NRG1: variants seen among roughly 807,000 people sequenced by gnomAD.
NRG1 encodes the protein neuregulin 1, also known as pro-neuregulin-1, membrane-bound isoform.
Under a neutral mutation model 63.8 loss-of-function variants are expected in NRG1, and 18 were observed. The observed-to-expected ratio is 0.28, with a 90% CI of 0.19 to 0.42. The LOEUF is 0.42. Ranked by LOEUF, NRG1 falls within the 10% of genes least tolerant of loss-of-function variation. The pLI is 1.00. For missense variants in NRG1, 762 were observed against 814.7 expected (o/e 0.94, Z 0.79); for synonymous variants, 302 against 301.3 (o/e 1.00, Z -0.02).
At chr8:32,508,340 G>T (rs1301670500) in intron 1 of NRG1, among the ~76,000 whole-genome samples, 2 of 151,866 alleles carry the variant, frequency 1.3e-5, no homozygotes, top group Non-Finnish European at 1.5e-5. Context: ...GCCCGGGCTG[G>T]AGTGTAGTGG....
chr8:31,743,906 G>A (rs536713349), intron 1 of NRG1, among the ~76,000 whole-genome samples: 2 of 152,026 alleles, frequency 1.3e-5, no homozygotes, highest in African/African-American at 4.8e-5. Flanking sequence ...GGAAAAAAAA[G>A]CTTTGTTTTG....
intron 1 of NRG1, among the ~76,000 whole-genome samples, chr8:32,560,775 ATT>A (rs1230082448): frequency 1.3e-5 from 2 of 152,236 alleles, no homozygotes; most frequent in African/African-American, 2.4e-5. Context: ...CCATTAAAAT[ATT>A]TTGTTACATT....
Position 32,659,454 on chromosome 8 carries a change from A to G in NRG1, c.502+42569A>G, listed in dbSNP as rs569660668. ...TGACCCACCGTGGCCAGCCAGCTAT[A>G]AATCTTTAGACCTTGATCATGCACC... On this transcript the variant is annotated intron_variant, in intron 5 of 11. Coordinates refer to ENST00000356819, the Ensembl canonical transcript of NRG1. 3.9e-5 allele frequency among the ~76,000 whole-genome samples: 6 copies of G among 152,242 alleles called. No individual in the cohort carries two copies. The South Asian group carries it at 8.3e-4, about 21-fold the overall frequency.
In NRG1 at chr8:31,921,282, C is replaced by A. The variant is rs1833891940; in HGVS notation, c.37+281851C>A. On this transcript the variant is annotated intron_variant, in intron 1 of 10. Transcript: ENST00000519301. ...ATCAAATTTGTCTAGCTTATAATGT[C>A]TGTCAGCCTGGGTGATGTGGATGGG... Among the ~76,000 whole-genome samples, 2 of 152,132 alleles carry A rather than the reference C, an allele frequency of 1.3e-5. 1 individual carries two copies. The highest frequency in any genetic ancestry group is 4.1e-4 in the South Asian group (2 of 4,828).
intron 1 of NRG1, among the ~76,000 whole-genome samples, chr8:31,700,212 T>C (rs1212421624): frequency 6.6e-6 from 1 of 152,046 alleles, no homozygotes; most frequent in African/African-American, 2.4e-5. Flanking sequence ...GTTGCAGACT[T>C]TTTGGAGGCA....
At chr8:31,912,403 C>T (rs1379727050) in intron 1 of NRG1, among the ~76,000 whole-genome samples, 3 of 151,996 alleles carry the variant, frequency 2.0e-5, no homozygotes, top group African/African-American at 7.2e-5. Context: ...AGGTGGCTGG[C>T]AGTGTGGGGA....
At chr8:32,144,058 T>G (rs1412394576) in intron 1 of NRG1, among the ~76,000 whole-genome samples, 1 of 152,208 alleles carries the variant, frequency 6.6e-6, no homozygotes, top group Non-Finnish European at 1.5e-5. Context: ...ATGAGTCCAG[T>G]TGGAGCCTGC....
At chr8:32,098,509 C>T (rs1248325073) in intron 1 of NRG1, among the ~76,000 whole-genome samples, 1 of 152,126 alleles carries the variant, frequency 6.6e-6, no homozygotes, top group Non-Finnish European at 1.5e-5. Flanking sequence ...GTTCTTGTTT[C>T]CTGGAAGTGT....
chr8:32,600,466 C>T (rs144820783), intron 2 of NRG1, among the ~76,000 whole-genome samples: 3 of 151,990 alleles, frequency 2.0e-5, no homozygotes, highest in Admixed American at 2.0e-4. Flanking sequence ...GTAGAATAAT[C>T]GAGTTAAAAT....
intron 1 of NRG1, among the ~76,000 whole-genome samples, chr8:32,069,407 T>C (rs1825404733): frequency 6.6e-6 from 1 of 152,184 alleles, no homozygotes; most frequent in Non-Finnish European, 1.5e-5. Flanking sequence ...GACACAGTCT[T>C]ATGTTTGTTT....
chr8:31,958,364 G>T (rs1266055055), intron 1 of NRG1, among the ~76,000 whole-genome samples: 2 of 152,048 alleles, frequency 1.3e-5, no homozygotes, highest in Admixed American at 6.5e-5. Flanking sequence ...CTGGCCTTCT[G>T]CAACTTAAAG....
intron 1 of NRG1, among the ~76,000 whole-genome samples, chr8:32,580,367 G>A (rs192286758): frequency 1.2e-4 from 18 of 152,092 alleles, no homozygotes; most frequent in Non-Finnish European, 1.5e-4. Flanking sequence ...CTCTAAGTGG[G>A]CAGTTATTTA....
At chr8:32,260,068 A>G (rs532275910) in intron 1 of NRG1, among the ~76,000 whole-genome samples, 32 of 152,298 alleles carry the variant, frequency 2.1e-4, no homozygotes, top group Non-Finnish European at 3.2e-4. Flanking sequence ...TGATAAAATG[A>G]GTGATACTGG....
chr8:32,201,092 A>G (rs1283759871), intron 1 of NRG1, among the ~76,000 whole-genome samples: 2 of 152,182 alleles, frequency 1.3e-5, no homozygotes, highest in Non-Finnish European at 2.9e-5. Flanking sequence ...ACACTTGTCA[A>G]CTGGCACCCA....
intron 1 of NRG1, among the ~76,000 whole-genome samples, chr8:32,134,743 C>G (rs1437003527): frequency 6.6e-6 from 1 of 152,042 alleles, no homozygotes. Context: ...AGGCCAGGCA[C>G]AGTGGCTCAT....
intron 2 of NRG1, among the ~76,000 whole-genome samples, chr8:32,600,943 A>G (rs1278700790): frequency 6.6e-6 from 1 of 152,166 alleles, no homozygotes; most frequent in Admixed American, 6.5e-5. Flanking sequence ...TCTTATAGAC[A>G]GAGTATGGTA....
intron 1 of NRG1, among the ~76,000 whole-genome samples, chr8:31,788,799 G>T (rs1738469459): frequency 1.3e-5 from 2 of 152,170 alleles, no homozygotes. Flanking sequence ...ATAAGAAAAT[G>T]AAGTGCAAAG....
At chr8:32,237,230 C>G (rs1847656909) in intron 1 of NRG1, among the ~76,000 whole-genome samples, 1 of 152,060 alleles carries the variant, frequency 6.6e-6, no homozygotes, top group Non-Finnish European at 1.5e-5. Flanking sequence ...CCAAATTTTC[C>G]AAGTTCTTGA....
intron 1 of NRG1, among the ~76,000 whole-genome samples, chr8:31,687,105 G>T (rs905105951): frequency 6.6e-6 from 1 of 152,108 alleles, no homozygotes; most frequent in African/African-American, 2.4e-5. Context: ...TAGGAAATTA[G>T]GTTTTGGTAC....
Sources: gnomAD v4.1 joint callset for allele counts (sites outside exome capture counted in the v4.1 genomes callset) on GRCh38, gnomAD v4.1.1 for gene constraint, MANE v1.5 for transcripts, NCBI Gene and HGNC (gene_info 2026-07-23, HGNC 2026-07-21) for gene names.